GIPC1: variants seen among roughly 807,000 people sequenced by gnomAD.
The protein encoded by GIPC1 is PDZ domain-containing protein GIPC1.
GIPC1 carries 15 observed loss-of-function variants against 28.5 expected under a neutral mutation model. That is an observed-to-expected ratio of 0.53 (90% CI 0.35 to 0.81). GIPC1 has a LOEUF of 0.81. GIPC1 is among the 30% of genes least tolerant of loss of function. GIPC1 has a pLI of 0.01. For missense variants in GIPC1, 439 were observed against 481.9 expected (o/e 0.91, Z 0.83); for synonymous variants, 224 against 206.1 (o/e 1.09, Z -0.74).
intron 3 of GIPC1, among the ~76,000 whole-genome samples, chr19:14,483,794 A>G (rs2146471538): frequency 1.8e-5 from 2 of 113,300 alleles, no homozygotes; most frequent in East Asian, 6.4e-4. Context: ...TAATAATAAT[A>G]ATAATACCAG....
At chr19:14,485,295 T>C (rs971129232) in intron 3 of GIPC1, among the ~76,000 whole-genome samples, 7 of 151,954 alleles carry the variant, frequency 4.6e-5, no homozygotes, top group African/African-American at 1.7e-4. Flanking sequence ...CCATCCTCCA[T>C]TCTCAGCCTC....
chr19:14,490,076 C>T (rs1280939597), intron 3 of GIPC1, among the ~76,000 whole-genome samples: 1 of 152,082 alleles, frequency 6.6e-6, no homozygotes, highest in African/African-American at 2.4e-5. Context: ...CCAGAACTTA[C>T]AGTAGTTGGC....
At chr19:14,485,702 T>TATATATATAGAGAGAGAGAGAGAGAGAG (rs1300117748) in intron 3 of GIPC1, among the ~76,000 whole-genome samples, 3 of 58,800 alleles carry the variant, frequency 5.1e-5, no homozygotes, top group African/African-American at 5.7e-5. Context: ...TATATATATA[T>TATATATATAGAGAGAGAGAGAGAGAGAG]AGAGAGAGAG....
At chr19:14,480,846 C>A in intron 4 of GIPC1, 68 bp from the exon 5 acceptor site, 1 of 1,153,446 alleles carries the variant, frequency 8.7e-7, no homozygotes, top group Non-Finnish European at 1.3e-6. Context: ...CACTGGAGGG[C>A]GAAGGGAGAG....
intron 2 of GIPC1, among the ~76,000 whole-genome samples, chr19:14,492,000 G>A: frequency 6.6e-6 from 1 of 151,972 alleles, no homozygotes; most frequent in Non-Finnish European, 1.5e-5. Context: ...CCCGGGAGGT[G>A]GAGTTTGCAG....
At chr19:14,479,589 C>G in intron 6 of GIPC1, 65 bp from the exon 7 acceptor site, 1 of 799,704 alleles carries the variant, frequency 1.3e-6, no homozygotes, top group East Asian at 3.4e-5. Flanking sequence ...TGGGCAGGAA[C>G]TTGTCCTTCC....
intron 3 of GIPC1, among the ~76,000 whole-genome samples, chr19:14,491,037 C>T (rs1381960714): frequency 1.2e-4 from 17 of 143,374 alleles, no homozygotes; most frequent in Non-Finnish European, 1.7e-4. Flanking sequence ...GGTGCAGGGA[C>T]GGTGGCTCCC....
rs1403608563 is a variant in GIPC1 at position 14,496,052 on chromosome 19, CGCCGCCGCCGCCGCCGCCGCCGCT to C, written c.-214_-191del. 4 of 245,302 alleles carry C rather than the reference CGCCGCCGCCGCCGCCGCCGCCGCT, an allele frequency of 1.6e-5. No homozygotes were observed. In the East Asian group the frequency reaches 3.3e-4, roughly 20 times the overall value. 15.2% of individuals were successfully genotyped at this position (245,302 alleles called of 1,614,324 possible). On this transcript the variant is annotated 5_prime_UTR_variant, in exon 1 of 9. Transcript: ENST00000393033. ...GGCCACTCACCTGCTCCGCCGCCGC[CGCCGCCGCCGCCGCCGCCGCCGCT>C]GCCTCCGCCTCCCCGTGCGCACCCG...
In GIPC1 at chr19:14,480,359, G is replaced by C. The variant is rs773122371; in HGVS notation, c.601C>G (p.Leu201Val). The C allele has an allele frequency of 6.2e-7, 1 of 1,612,294 alleles. No homozygotes were observed. The highest frequency in any genetic ancestry group is 2.2e-5 in the East Asian group (1 of 44,880). The change falls in exon 6 of 9, where the codon CTG becomes GTG. Residue 201 changes from leucine (L) to valine (V), a missense_variant. By Grantham distance (32) the Leu-to-Val change is conservative. Coordinates refer to ENST00000393033, the MANE Select transcript of GIPC1 (RefSeq NM_005716.4). ...HYEVARLLKE[L>V]PRGRTFTLKL... ...AGCGTGAAGGTACGGCCTCGGGGCA[G>C]CTCCTTGAGCAGCCGGGCCACCTCG...
intron 3 of GIPC1, among the ~76,000 whole-genome samples, chr19:14,485,698 TATATAGAGAGAG>T (rs1214719864): frequency 2.4e-5 from 2 of 85,092 alleles, no homozygotes; most frequent in African/African-American, 8.6e-5. Flanking sequence ...TATATATATA[TATATAGAGAGAG>T]AGAGAGAGAG....
chr19:14,479,447 G>A lies in GIPC1; in HGVS notation c.733C>T (p.Leu245Phe). The A allele has an allele frequency of 7.0e-7, 1 of 1,430,220 alleles. No homozygotes were observed. The highest frequency in any genetic ancestry group is 9.2e-7 in the Non-Finnish European group (1 of 1,092,322). The allele number at this position is 1,430,220 out of a possible 1,614,324, so 88.6% of individuals were successfully genotyped here. ...QLGTGRGTLR[L>F]RSRGPATVED... is the part of the protein sequence containing the mutation. ...ACCGTGGCGGGGCCCCGGGATCGGA[G>A]CCGCAGGGTCCCTCGGCCAGTGCCC... The change falls in exon 7 of 9, where the codon CTC (leucine) becomes TTC (phenylalanine). Residue 245 changes from leucine (L) to phenylalanine (F), a missense_variant. Physicochemically the swap from Leu to Phe is conservative, Grantham distance 22 (BLOSUM62 0). Transcript: ENST00000393033.
At chr19:14,490,623 G>A (rs1156566618) in intron 3 of GIPC1, among the ~76,000 whole-genome samples, 1 of 150,650 alleles carries the variant, frequency 6.6e-6, no homozygotes, top group Non-Finnish European at 1.5e-5. Flanking sequence ...GTTGAGGTGA[G>A]CTGAGACAGT....
intron 4 of GIPC1, 88 bp downstream of exon 4, chr19:14,482,601 C>T: frequency 3.1e-6 from 4 of 1,297,052 alleles, no homozygotes; most frequent in Non-Finnish European, 4.4e-6. Flanking sequence ...GCAGCTTCAG[C>T]ATCTGAGCCC....
chr19:14,490,130 C>G (rs1483025673), intron 3 of GIPC1, among the ~76,000 whole-genome samples: 1 of 152,102 alleles, frequency 6.6e-6, no homozygotes. Flanking sequence ...CTTTGGGAGG[C>G]CGAGGCGGGC....
At chr19:14,491,152 T>A (rs1411934847) in intron 3 of GIPC1, among the ~76,000 whole-genome samples, 2 of 152,052 alleles carry the variant, frequency 1.3e-5, no homozygotes, top group African/African-American at 4.8e-5. Flanking sequence ...AAGGCTGGTG[T>A]GAGCCACTGC....
rs377665012 is a variant in GIPC1, at chr19:14,480,797, C to G, written c.289-19G>C. Reference sequence around the variant, plus strand: ...ACATCACCTGCAGGGGTGGGAGACGCTGAAACCTCTTCCCCCTCCCTCCCC... The same window carrying G: ...ACATCACCTGCAGGGGTGGGAGACGGTGAAACCTCTTCCCCCTCCCTCCCC... On this transcript the variant is annotated intron_variant, in intron 4 of 8. Transcript: ENST00000393033. 2 of 1,575,266 alleles carry G rather than the reference C, an allele frequency of 1.3e-6. No individual in the cohort carries two copies. Among genetic ancestry groups the G allele is most frequent in the Admixed American group, 3.4e-5 (2 of 58,166 alleles).
intron 1 of GIPC1, among the ~76,000 whole-genome samples, chr19:14,493,655 TTTTA>T (rs1008598164): frequency 4.6e-5 from 7 of 151,782 alleles, no homozygotes; most frequent in African/African-American, 1.7e-4. Context: ...ATTTGTTTAT[TTTTA>T]TTTATTTATT....
chr19:14,492,400 G>A (rs868488632), intron 2 of GIPC1, among the ~76,000 whole-genome samples: 4 of 151,728 alleles, frequency 2.6e-5, no homozygotes, highest in Non-Finnish European at 4.4e-5. Context: ...TCTGCTTCCC[G>A]GGTTCACGCC....
Position 14,496,083 on chromosome 19 carries a change from G to C in GIPC1, c.-221C>G, listed in dbSNP as rs893342230. ...CGCCGCCGCCGCCGCCGCTGCCTCC[G>C]CCTCCCCGTGCGCACCCGGCTCGGC... On this transcript the variant is annotated 5_prime_UTR_variant, in exon 1 of 9. Coordinates refer to ENST00000393033, the MANE Select transcript of GIPC1 (RefSeq NM_005716.4). The C allele has an allele frequency of 4.3e-6, 1 of 235,006 alleles. No individual in the cohort carries two copies. The highest frequency in any genetic ancestry group is 8.0e-6 in the Non-Finnish European group (1 of 124,404). The allele number at this position is 235,006 out of a possible 1,614,324, so 14.6% of individuals were successfully genotyped here. A position where few individuals can be genotyped will look rare whatever the true frequency, so the allele number is the denominator to read the frequency against.
Sources: gnomAD v4.1 joint callset for allele counts (sites outside exome capture counted in the v4.1 genomes callset) on GRCh38, gnomAD v4.1.1 for gene constraint, MANE v1.5 for transcripts, NCBI Gene and HGNC (gene_info 2026-07-23, HGNC 2026-07-21) for gene names.